Variants in PTPN12 observed in about 807,000 individuals in gnomAD.
The protein encoded by PTPN12 is protein tyrosine phosphatase non-receptor type 12.
PTPN12 carries 29 observed loss-of-function variants against 97.6 expected under a neutral mutation model. The ratio of observed to expected loss-of-function variants is 0.30; its 90% confidence interval spans 0.22 to 0.41. The LOEUF (loss-of-function observed/expected upper bound fraction) is 0.41. Ranked by LOEUF, PTPN12 falls within the 10% of genes least tolerant of loss-of-function variation. PTPN12 has a pLI of 1.00. For missense variants in PTPN12, 819 were observed against 926.0 expected (o/e 0.88, Z 1.50); for synonymous variants, 327 against 300.4 (o/e 1.09, Z -0.91).
At chr7:77,596,533 C>T (rs1368943777) in intron 6 of PTPN12, among the ~76,000 whole-genome samples, 3 of 152,204 alleles carry the variant, frequency 2.0e-5, no homozygotes, top group African/African-American at 7.2e-5. Context: ...ACCTCAGCCT[C>T]CCAAGTAGCT....
intron 1 of PTPN12, among the ~76,000 whole-genome samples, chr7:77,541,092 T>G (rs918311637): frequency 2.0e-5 from 3 of 152,158 alleles, no homozygotes; most frequent in Non-Finnish European, 4.4e-5. Context: ...TTTGTTTTGT[T>G]GTTTTGTTCT....
At chr7:77,600,222 A>G (rs973359552) in intron 7 of PTPN12, among the ~76,000 whole-genome samples, 8 of 152,198 alleles carry the variant, frequency 5.3e-5, no homozygotes, top group Non-Finnish European at 1.2e-4. Flanking sequence ...TTCTGATTAC[A>G]ATGAATACTA....
intron 12 of PTPN12, among the ~76,000 whole-genome samples, chr7:77,620,880 G>A (rs543723102): frequency 3.3e-5 from 5 of 152,222 alleles, no homozygotes; most frequent in South Asian, 4.1e-4. Flanking sequence ...CCCAGGAAGC[G>A]AAGGTGCCAG....
At chr7:77,558,104 G>A (rs994216576) in intron 1 of PTPN12, among the ~76,000 whole-genome samples, 3 of 151,450 alleles carry the variant, frequency 2.0e-5, no homozygotes, top group Admixed American at 1.3e-4. Context: ...CCAGCTATTC[G>A]GGAGGCTGAG....
chr7:77,553,112 C>T (rs948468294), intron 1 of PTPN12, among the ~76,000 whole-genome samples: 1 of 152,154 alleles, frequency 6.6e-6, no homozygotes, highest in Non-Finnish European at 1.5e-5. Context: ...AATGCCCCTA[C>T]ATCCAAAATT....
intron 3 of PTPN12, 108 bp from the exon 4 acceptor site, chr7:77,583,446 TA>T: frequency 1.4e-6 from 1 of 695,180 alleles, no homozygotes; most frequent in Non-Finnish European, 2.4e-6. Flanking sequence ...GGAAATGGTT[TA>T]AGTTAAAACA....
chr7:77,544,442 C>T (rs909551677), intron 1 of PTPN12, among the ~76,000 whole-genome samples: 6 of 152,184 alleles, frequency 3.9e-5, no homozygotes, highest in African/African-American at 1.2e-4. Flanking sequence ...TTAAGTAACT[C>T]TCCAGACATG....
chr7:77,620,790 A>C (rs1158917786), intron 12 of PTPN12, among the ~76,000 whole-genome samples: 2 of 151,644 alleles, frequency 1.3e-5, no homozygotes, highest in Non-Finnish European at 2.9e-5. Context: ...TCTACTAAAA[A>C]TAGAAAAATT....
chr7:77,629,871 C>G (rs1390296237), intron 13 of PTPN12, among the ~76,000 whole-genome samples: 1 of 150,440 alleles, frequency 6.6e-6, no homozygotes, highest in Admixed American at 6.7e-5. Context: ...AGCCTAGGAG[C>G]TCAAGGCTGC....
intron 2 of PTPN12, among the ~76,000 whole-genome samples, chr7:77,580,649 A>G (rs1787484303): frequency 6.6e-6 from 1 of 152,172 alleles, no homozygotes; most frequent in South Asian, 2.1e-4. Context: ...AATCAATAAA[A>G]ACTTAAAAGA....
At chr7:77,555,138 C>G (rs1270933310) in intron 1 of PTPN12, among the ~76,000 whole-genome samples, 1 of 151,582 alleles carries the variant, frequency 6.6e-6, no homozygotes, top group African/African-American at 2.4e-5. Flanking sequence ...GAAACAGAGT[C>G]AGATGTAATT....
chr7:77,610,148 A>C (rs78517522), intron 9 of PTPN12, among the ~76,000 whole-genome samples: 26 of 152,318 alleles, frequency 1.7e-4, no homozygotes, highest in African/African-American at 6.0e-4. Context: ...TTCCATATAC[A>C]CAAAAGAATT....
At chr7:77,575,611 T>A (rs1415871496) in intron 2 of PTPN12, among the ~76,000 whole-genome samples, 1 of 152,170 alleles carries the variant, frequency 6.6e-6, no homozygotes, top group Non-Finnish European at 1.5e-5. Context: ...GAGGTATAAT[T>A]TACATACCCA....
chr7:77,638,823 G>A, intron 17 of PTPN12, 92 bp downstream of exon 17: 1 of 1,450,102 alleles, frequency 6.9e-7, no homozygotes, highest in East Asian at 2.5e-5. Context: ...CACTTGCCAA[G>A]AATAAAACAT....
intron 8 of PTPN12, among the ~76,000 whole-genome samples, chr7:77,604,506 G>A (rs569156631): frequency 3.4e-4 from 51 of 151,972 alleles, no homozygotes; most frequent in African/African-American, 1.1e-3. Context: ...GAACCACTGC[G>A]CCCAGCCTCA....
At chr7:77,618,018 G>A (rs1013608654) in intron 11 of PTPN12, among the ~76,000 whole-genome samples, 7 of 152,002 alleles carry the variant, frequency 4.6e-5, no homozygotes, top group Admixed American at 1.3e-4. Flanking sequence ...ATGAATCCTA[G>A]GACCACCAGT....
intron 11 of PTPN12, among the ~76,000 whole-genome samples, chr7:77,613,590 A>C (rs1307276090): frequency 1.3e-5 from 2 of 151,940 alleles, no homozygotes; most frequent in Non-Finnish European, 2.9e-5. Flanking sequence ...GCAGTGGCTC[A>C]TGCCTGGAAT....
rs1383453267 is a variant in PTPN12, at chr7:77,573,097, C to CAAAAA, written c.208+1914_208+1918dup. Reference sequence around the variant, plus strand: ...GACTCTATCTCAAAAAAAAAAAAAACAAAAAAACAAAAAAAACCAGTGTAC... The same window carrying CAAAAA: ...GACTCTATCTCAAAAAAAAAAAAAACAAAAAAAAAAAACAAAAAAAACCAGTGTAC... On this transcript the variant is annotated intron_variant, in intron 2 of 17. Transcript: ENST00000248594. Among the ~76,000 whole-genome samples the CAAAAA allele has an allele frequency of 5.8e-4, 28 of 48,518 alleles. 6 individuals carry two copies. The highest frequency in any genetic ancestry group is 3.7e-3 in the East Asian group (6 of 1,604). The allele number at this position is 48,518 out of a possible 152,430, so 31.8% of individuals were successfully genotyped here.
At chr7:77,542,289 T>C (rs1807015008) in intron 1 of PTPN12, among the ~76,000 whole-genome samples, 1 of 152,188 alleles carries the variant, frequency 6.6e-6, no homozygotes, top group Non-Finnish European at 1.5e-5. Flanking sequence ...CACTCCAGCG[T>C]CATTCCCCCA....
Sources: allele counts gnomAD v4.1 joint callset (sites outside exome capture counted in the v4.1 genomes callset), GRCh38; gene constraint gnomAD v4.1.1; transcripts MANE v1.5; gene names NCBI Gene and HGNC (gene_info 2026-07-23, HGNC 2026-07-21).